The following GLRA2 variants were observed in gnomAD, a reference collection of about 807,000 sequenced individuals.
GLRA2 encodes the protein glycine receptor alpha 2, also known as glycine receptor subunit alpha-2.
Under a neutral mutation model 31.6 loss-of-function variants are expected in GLRA2, and 11 were observed. The observed-to-expected ratio is 0.35, with a 90% CI of 0.22 to 0.58. The LOEUF is 0.58. Among genes scored for constraint, GLRA2 ranks in the 20% least tolerant of loss-of-function variants. The pLI, the probability that GLRA2 is intolerant of heterozygous loss-of-function variation, is 0.84. For synonymous variants in GLRA2, 132 were observed against 134.0 expected, an observed-to-expected ratio of 0.99 and a Z score of 0.10; for missense variants, 212 against 351.8, an observed-to-expected ratio of 0.60 and a Z score of 3.18.
At chrX:14,495,271 A>G in the GLRA2 span, among the ~76,000 whole-genome samples, 11 of 111,539 alleles carry the variant, frequency 9.9e-5, no homozygotes, top group Non-Finnish European at 1.7e-4. Context: ...CACTTAAAAC[A>G]TATTCAATAT....
intron 4 of GLRA2, among the ~76,000 whole-genome samples, chrX:14,595,271 AAAG>A (rs1161121099): frequency 3.6e-5 from 4 of 112,139 alleles, no homozygotes; most frequent in African/African-American, 1.3e-4. Context: ...CTTAATAGTC[AAAG>A]AAGCCTTTAG....
intron 7 of GLRA2, among the ~76,000 whole-genome samples, chrX:14,687,167 A>G (rs2091288248): frequency 8.9e-6 from 1 of 112,264 alleles, no homozygotes; most frequent in Non-Finnish European, 1.9e-5. Context: ...TTCTGCCAAG[A>G]GATCTGCTGT....
chrX:14,604,543 AGTGTGTGTGTGT>A (rs377121617), intron 5 of GLRA2, 146 bp downstream of exon 5: 4,190 of 160,830 alleles, frequency 0.026, 124 homozygotes, highest in African/African-American at 0.1. Context: ...GACAAACCAA[AGTGTGTGTGTGT>A]GTGTGTGTGT....
At chrX:14,619,263 CCTCCCTGTTGAACATCTTCCCGTAG>C (rs1288063466) in intron 7 of GLRA2, among the ~76,000 whole-genome samples, 10 of 110,939 alleles carry the variant, frequency 9.0e-5, no homozygotes, top group Non-Finnish European at 1.1e-4. Context: ...CTATTTAGCA[CCTCCCTGTTGAACATCTTCCCGTAG>C]CTCCCTGTTG....
rs965049631 is a variant in GLRA2, at chrX:14,674,355, T to A, written c.931-16355T>A. Among the ~76,000 whole-genome samples, 3 of 112,561 alleles carry A rather than the reference T, an allele frequency of 2.7e-5. No homozygotes were observed. The East Asian group carries it at 8.4e-4, about 31-fold the overall frequency. ...AAAATACTAACAAAGTCTTAGTCCA[T>A]GCACAAAACATCAAATACAAGATAT... is the stretch of plus-strand genomic sequence containing the variant. On this transcript the variant is annotated intron_variant, in intron 7 of 8. Coordinates refer to ENST00000218075, the MANE Select transcript of GLRA2 (RefSeq NM_002063.4).
intron 3 of GLRA2, among the ~76,000 whole-genome samples, chrX:14,578,532 T>C (rs2089981034): frequency 8.9e-6 from 1 of 112,616 alleles, no homozygotes; most frequent in Middle Eastern, 4.2e-3. Context: ...ATTAAGAGTA[T>C]TCAGTGGAAC....
chrX:14,488,858 T>C, the GLRA2 span, among the ~76,000 whole-genome samples: 2 of 112,401 alleles, frequency 1.8e-5, no homozygotes, highest in African/African-American at 6.5e-5. Context: ...TCCTTTCTTA[T>C]GTTTTAATAA....
chrX:14,531,205 AT>A, intron 1 of GLRA2: 1 of 818,448 alleles, frequency 1.2e-6, no homozygotes, highest in African/African-American at 2.1e-5. Context: ...GCTCATATCA[AT>A]TTTTAACTCC....
At chrX:14,530,279 G>A (rs1601681611) in intron 1 of GLRA2, among the ~76,000 whole-genome samples, 154 bp downstream of exon 1, 1 of 111,754 alleles carries the variant, frequency 8.9e-6, no homozygotes, top group African/African-American at 3.3e-5. Flanking sequence ...TAATAATTGT[G>A]GGAGGGTGGT....
chrX:14,707,875 C>A (rs1049264960), intron 8 of GLRA2, among the ~76,000 whole-genome samples: 4 of 110,233 alleles, frequency 3.6e-5, no homozygotes, highest in Non-Finnish European at 7.6e-5. Flanking sequence ...TTAAGGTATA[C>A]GACTTGATGA....
intron 7 of GLRA2, among the ~76,000 whole-genome samples, chrX:14,633,185 T>A (rs752531770): frequency 8.9e-6 from 1 of 112,219 alleles, no homozygotes; most frequent in African/African-American, 3.2e-5. Context: ...ATTCATATCT[T>A]AATACTTGAT....
At chrX:14,673,369 C>T (rs764710816) in intron 7 of GLRA2, among the ~76,000 whole-genome samples, 11 of 112,279 alleles carry the variant, frequency 9.8e-5, no homozygotes, top group African/African-American at 3.6e-4. Flanking sequence ...ATCTTACCCA[C>T]TGTTCATCTC....
At chrX:14,550,074 C>T (rs767711686) in intron 2 of GLRA2, among the ~76,000 whole-genome samples, 13 of 110,471 alleles carry the variant, frequency 1.2e-4, no homozygotes, top group Middle Eastern at 4.6e-3. Context: ...ACCACTGGGA[C>T]ATTTTTGACC....
chrX:14,490,083 A>G, the GLRA2 span, among the ~76,000 whole-genome samples: 3 of 111,112 alleles, frequency 2.7e-5, no homozygotes, highest in Admixed American at 2.9e-4. Flanking sequence ...GTCCCTGGAT[A>G]GAGACAGTGC....
At chrX:14,648,969 A>G (rs1442680384) in intron 7 of GLRA2, among the ~76,000 whole-genome samples, 1 of 111,938 alleles carries the variant, frequency 8.9e-6, no homozygotes, top group Non-Finnish European at 1.9e-5. Flanking sequence ...TAATCCCAGC[A>G]CTTTGCAAGG....
chrX:14,479,494 A>G, the GLRA2 span, among the ~76,000 whole-genome samples: 1 of 111,267 alleles, frequency 9.0e-6, no homozygotes, highest in Non-Finnish European at 1.9e-5. Flanking sequence ...TCATCCAGGT[A>G]CTGAGGATAG....
At chrX:14,548,662 T>C (rs752983341) in intron 2 of GLRA2, among the ~76,000 whole-genome samples, 4 of 111,844 alleles carry the variant, frequency 3.6e-5, no homozygotes, top group Non-Finnish European at 7.5e-5. Context: ...CATGGATGGA[T>C]AGTGACATCT....
chrX:14,689,616 T>C (rs900382377), intron 7 of GLRA2, among the ~76,000 whole-genome samples: 15 of 111,860 alleles, frequency 1.3e-4, no homozygotes, highest in East Asian at 8.4e-4. Context: ...CATCAGAAAA[T>C]TGGGATGAGT....
the GLRA2 span, among the ~76,000 whole-genome samples, chrX:14,523,730 C>T: frequency 9.0e-6 from 1 of 111,453 alleles, no homozygotes; most frequent in Non-Finnish European, 1.9e-5. Context: ...GTAGAGTAGT[C>T]GGAACACATA....
Sources: allele counts gnomAD v4.1 joint callset (sites outside exome capture counted in the v4.1 genomes callset), GRCh38; gene constraint gnomAD v4.1.1; transcripts MANE v1.5; gene names NCBI Gene and HGNC (gene_info 2026-07-23, HGNC 2026-07-21).